The following HOXB1 variants were observed in gnomAD, a reference collection of about 807,000 sequenced individuals.
HOXB1 encodes the protein homeobox B1, also known as homeobox protein Hox-B1.
Under a neutral mutation model 26.9 loss-of-function variants are expected in HOXB1, and 13 were observed. The observed-to-expected ratio is 0.48, with a 90% CI of 0.31 to 0.77. HOXB1 has a LOEUF of 0.77. Among genes scored for constraint, HOXB1 ranks in the 30% least tolerant of loss-of-function variants. The pLI is 0.04. For synonymous variants in HOXB1, 168 were observed against 170.8 expected (o/e 0.98, Z 0.13); for missense variants, 366 against 403.6 (o/e 0.91, Z 0.80).
In HOXB1 at chr17:48,529,187, G is replaced by C. The variant is rs1050222338; in HGVS notation, c.*360C>G. On this transcript the variant is annotated 3_prime_UTR_variant, in exon 2 of 2. Coordinates refer to ENST00000239174, the MANE Select transcript of HOXB1 (RefSeq NM_002144.4). ...CCTCAAAGCTCGAAGGCACTGAACCGAATAAACCCAAGTTGGAAGGGAAAG... is the reference window on the plus strand; with the variant it reads ...CCTCAAAGCTCGAAGGCACTGAACCCAATAAACCCAAGTTGGAAGGGAAAG... 3 of 192,618 alleles carry C rather than the reference G, an allele frequency of 1.6e-5. No individual in the cohort carries two copies. Among genetic ancestry groups the C allele is most frequent in the Non-Finnish European group, 3.2e-5 (3 of 94,644 alleles). The allele number at this position is 192,618 out of a possible 1,614,324, so 11.9% of individuals were successfully genotyped here.
rs772889095 is a variant in HOXB1, at chr17:48,529,764, C to T, written c.689G>A (p.Arg230Gln). 10 of 1,609,508 alleles carry T rather than the reference C, an allele frequency of 6.2e-6. No homozygotes were observed. The highest frequency in any genetic ancestry group is 8.5e-6 in the Non-Finnish European group (10 of 1,179,916). The change falls in exon 2 of 2, where the codon CGG becomes CAG. Residue 230 changes from arginine to glutamine, a missense_variant. By Grantham distance (43) the Arg-to-Gln change is conservative (BLOSUM62 1). Coordinates refer to ENST00000239174, the MANE Select transcript of HOXB1 (RefSeq NM_002144.4). ...KEFHFNKYLS[R>Q]ARRVEIAATL... ...GGCGGCAATCTCCACCCTCCGGGCC[C>T]GGCTCAGGTACTTGTTGAAATGGAA...
In HOXB1 at chr17:48,530,067, C is replaced by T; in HGVS notation, c.578-192G>A. The T allele has an allele frequency of 1.6e-6, 1 of 618,072 alleles. No individual in the cohort carries two copies. Among genetic ancestry groups the T allele is most frequent in the Non-Finnish European group, 2.8e-6 (1 of 353,074 alleles). The allele number at this position is 618,072 out of a possible 1,614,324, so 38.3% of individuals were successfully genotyped here. On this transcript the variant is annotated intron_variant, in intron 1 of 1. Transcript: ENST00000239174. This position sits in a 1 kb window ranked among gnomAD's most constrained non-coding sequence, Gnocchi z 6.2. The stretch of plus-strand genomic sequence containing the variant: ...GGAGCAGCCTTCCCCATACTTCCAT[C>T]CCCCATGCACACCAGGTCCTGGGTC...
rs776471879 is a variant in HOXB1 at position 48,530,755 on chromosome 17, C to T, written c.150G>A (p.Gly50=). 1 of 1,610,880 alleles carries T rather than the reference C, an allele frequency of 6.2e-7. No individual in the cohort carries two copies. The highest frequency in any genetic ancestry group is 8.5e-7 in the Non-Finnish European group (1 of 1,178,402). The change falls in exon 1 of 2, where the codon GGG becomes GGA. Residue 50 remains glycine (G), a synonymous_variant. Coordinates refer to ENST00000239174, the MANE Select transcript of HOXB1 (RefSeq NM_002144.4). The surrounding 1 kb of genome is among the most constrained non-coding windows in gnomAD (Gnocchi z 6.2). The part of the protein sequence containing the change: ...DSYASEGRYG[G]GLSSPAFQQN... Reference sequence around the variant, plus strand: ...GCTGAAACGCAGGGCTGGACAGCCCCCCACCGTAGCGGCCCTCGCTTGCAT... The same window carrying T: ...GCTGAAACGCAGGGCTGGACAGCCCTCCACCGTAGCGGCCCTCGCTTGCAT...
At position 48,530,246 on chromosome 17, in the gene HOXB1, G is replaced by T; in HGVS notation, c.577+82C>A. The T allele has an allele frequency of 7.9e-7, 1 of 1,273,594 alleles. No homozygotes were observed. Among genetic ancestry groups the T allele is most frequent in the Non-Finnish European group, 1.1e-6 (1 of 896,264 alleles). 78.9% of individuals were successfully genotyped at this position (1,273,594 alleles called of 1,614,324 possible). ...AGAGCCGCTGAAAGAGAAGAACCCA[G>T]CCCAGACCCAGGACATGTCACTGCA... On this transcript the variant is annotated intron_variant, in intron 1 of 1. Coordinates refer to ENST00000239174, the MANE Select transcript of HOXB1 (RefSeq NM_002144.4). The surrounding 1 kb of genome is among the most constrained non-coding windows in gnomAD (Gnocchi z 6.2).
At chr17:48,529,979 C>G (rs1336291044) in intron 1 of HOXB1, 104 bp from the exon 2 acceptor site, 1 of 1,030,850 alleles carries the variant, frequency 9.7e-7, no homozygotes, top group African/African-American at 1.6e-5. Flanking sequence ...TGCCATTCTG[C>G]CCAAGTACAG....
At position 48,530,915 on chromosome 17, in the gene HOXB1, C is replaced by T. The variant is rs552739661; in HGVS notation, c.-11G>A. 1.3e-5 allele frequency: 20 copies of T among 1,507,166 alleles called. No individual in the cohort carries two copies. The East Asian group carries it at 4.3e-4, about 33-fold the overall frequency. The allele number at this position is 1,507,166 out of a possible 1,614,324, so 93.4% of individuals were successfully genotyped here. ...CCTATTATAGTCCATGCGTCAAGGCCGCAGGAGGGTCGGCCCGTTTGGGGG... is the reference window on the plus strand; with the variant it reads ...CCTATTATAGTCCATGCGTCAAGGCTGCAGGAGGGTCGGCCCGTTTGGGGG... On this transcript the variant is annotated 5_prime_UTR_variant, in exon 1 of 2. Coordinates refer to ENST00000239174, the MANE Select transcript of HOXB1 (RefSeq NM_002144.4). The surrounding 1 kb of genome is among the most constrained non-coding windows in gnomAD (Gnocchi z 6.2).
chr17:48,530,939 G>T lies in HOXB1; in HGVS notation c.-35C>A. ...CCGCAGGAGGGTCGGCCCGTTTGGG[G>T]GAGACACCCTCTTGCCCTACAACCT... On this transcript the variant is annotated 5_prime_UTR_variant, in exon 1 of 2. Transcript: ENST00000239174. The surrounding 1 kb of genome is among the most constrained non-coding windows in gnomAD (Gnocchi z 6.2). 1 of 1,420,418 alleles carries T rather than the reference G, an allele frequency of 7.0e-7. No individual in the cohort carries two copies. Among genetic ancestry groups the T allele is most frequent in the Non-Finnish European group, 9.5e-7 (1 of 1,052,766 alleles). The allele number at this position is 1,420,418 out of a possible 1,614,324, so 88.0% of individuals were successfully genotyped here. A position where few individuals can be genotyped will look rare whatever the true frequency, so the allele number is the denominator to read the frequency against.
In HOXB1 at chr17:48,530,369, G is replaced by A; in HGVS notation, c.536C>T (p.Thr179Ile). 3 of 1,614,098 alleles carry A rather than the reference G, an allele frequency of 1.9e-6. No individual in the cohort carries two copies. Among genetic ancestry groups the A allele is most frequent in the Non-Finnish European group, 2.5e-6 (3 of 1,180,000 alleles). ...TCTCTTAACCTTCATCCAGTCGAAG[G>A]TCCGGGCCGTGGGGGTGTTAGGTTC... is the stretch of plus-strand genomic sequence containing the variant. ...PSEPNTPTAR[T>I]FDWMKVKRNP... Residue 179 changes from threonine (T) to isoleucine (I), a missense_variant, in exon 1 of 2, where the codon ACC becomes ATC. By Grantham distance (89) the Thr-to-Ile change is moderately conservative (BLOSUM62 -1). Transcript: ENST00000239174. The surrounding 1 kb of genome is among the most constrained non-coding windows in gnomAD (Gnocchi z 6.2).
chr17:48,530,656 C>A lies in HOXB1; in HGVS notation c.249G>T (p.Gly83=). ...GVPFPSSAPS[G]YAPAACSPSY... is the part of the protein sequence containing the mutation. The stretch of plus-strand genomic sequence containing the variant: ...TGGGGCTGCAGGCGGCAGGAGCATA[C>A]CCCGAGGGCGCGGAGCTGGGGAAGG... The change falls in exon 1 of 2, where the codon GGG becomes GGT. Residue 83 remains glycine (G), a synonymous_variant. Transcript: ENST00000239174. The surrounding 1 kb of genome is among the most constrained non-coding windows in gnomAD (Gnocchi z 6.2). 6.2e-7 allele frequency: 1 copy of A among 1,613,766 alleles called. No homozygotes were observed. Among genetic ancestry groups the A allele is most frequent in the South Asian group, 1.1e-5 (1 of 91,086 alleles).
In HOXB1 at chr17:48,529,466, C is replaced by T. The variant is rs978148622; in HGVS notation, c.*81G>A. On this transcript the variant is annotated 3_prime_UTR_variant, in exon 2 of 2. Transcript: ENST00000239174. ...GATCCCCAGGCCAGTGAAGCCCAGG[C>T]CTGGGGTTGGGGAGAGCCTGGGATA... The T allele has an allele frequency of 1.8e-6, 2 of 1,139,076 alleles. No homozygotes were observed. Among genetic ancestry groups the T allele is most frequent in the African/African-American group, 1.6e-5 (1 of 64,126 alleles). 70.6% of individuals were successfully genotyped at this position (1,139,076 alleles called of 1,614,324 possible). A position where few individuals can be genotyped will look rare whatever the true frequency, so the allele number is the denominator to read the frequency against.
Position 48,529,627 on chromosome 17 carries a change from G to A in HOXB1, c.826C>T (p.Pro276Ser), listed in dbSNP as rs1219019432. The A allele has an allele frequency of 6.2e-7, 1 of 1,600,824 alleles. No individual in the cohort carries two copies. The highest frequency in any genetic ancestry group is 1.1e-5 in the South Asian group (1 of 89,818). Residue 276 changes from proline to serine, a missense_variant, in exon 2 of 2, where the codon CCC (proline) becomes TCC (serine). Transcript: ENST00000239174. ...GAGGCATCTCCAGCTGCCTCCTTGG[G>A]GCAGCCTGGTGGGGCTGGGGGGACC... ...GRVPPAPPGCPKEAAGDASDQ... is the reference protein window; with the variant it reads ...GRVPPAPPGCSKEAAGDASDQ...
rs2068419169 is a variant in HOXB1, at chr17:48,529,505, G to A, written c.*42C>T. The A allele has an allele frequency of 4.1e-6, 6 of 1,460,442 alleles. No individual in the cohort carries two copies. The highest frequency in any genetic ancestry group is 5.5e-6 in the Non-Finnish European group (6 of 1,086,112). The allele number at this position is 1,460,442 out of a possible 1,614,324, so 90.5% of individuals were successfully genotyped here. A position where few individuals can be genotyped will look rare whatever the true frequency, so the allele number is the denominator to read the frequency against. On this transcript the variant is annotated 3_prime_UTR_variant, in exon 2 of 2. Transcript: ENST00000239174. The stretch of plus-strand genomic sequence containing the variant: ...GAGCCTGGGATAGGGCTGGACTGGG[G>A]CGCTCCAGTGCCTGGAAGCCCCATT...
In HOXB1 at chr17:48,529,425, T is replaced by G; in HGVS notation, c.*122A>C. 6.8e-6 allele frequency: 4 copies of G among 592,362 alleles called. No individual in the cohort carries two copies. The highest frequency in any genetic ancestry group is 5.2e-6 in the Non-Finnish European group (2 of 383,088). 36.7% of individuals were successfully genotyped at this position (592,362 alleles called of 1,614,324 possible). On this transcript the variant is annotated 3_prime_UTR_variant, in exon 2 of 2. Transcript: ENST00000239174. ...ACCCCCAGGCAGCTCTAAACTGGCA[T>G]TTCAGCCCTAGAGAGGATCCCCAGG... is the stretch of plus-strand genomic sequence containing the variant.
Position 48,529,676 on chromosome 17 carries a change from C to T in HOXB1, c.777G>A (p.Lys259=). The change falls in exon 2 of 2, where the codon AAG becomes AAA. Residue 259 remains lysine, a synonymous_variant. Transcript: ENST00000239174. ...IWFQNRRMKQ[K]KREREEGRVP... Reference sequence around the variant, plus strand: ...CCCGACCTTCCTCTCGCTCGCGCTTCTTCTGCTTCATTCGTCGGTTCTGGA... The same window carrying T: ...CCCGACCTTCCTCTCGCTCGCGCTTTTTCTGCTTCATTCGTCGGTTCTGGA... 1.2e-6 allele frequency: 2 copies of T among 1,613,280 alleles called. No homozygotes were observed. Among genetic ancestry groups the T allele is most frequent in the Non-Finnish European group, 1.7e-6 (2 of 1,179,446 alleles).
chr17:48,530,993 C>T lies in HOXB1; in HGVS notation c.-89G>A, dbSNP rs2068436092. 2.1e-6 allele frequency: 2 copies of T among 950,976 alleles called. No individual in the cohort carries two copies. The highest frequency in any genetic ancestry group is 2.7e-5 in the Admixed American group (1 of 37,592). The allele number at this position is 950,976 out of a possible 1,614,324, so 58.9% of individuals were successfully genotyped here. A position where few individuals can be genotyped will look rare whatever the true frequency, so the allele number is the denominator to read the frequency against. On this transcript the variant is annotated 5_prime_UTR_variant, in exon 1 of 2. Coordinates refer to ENST00000239174, the MANE Select transcript of HOXB1 (RefSeq NM_002144.4). This position sits in a 1 kb window ranked among gnomAD's most constrained non-coding sequence, Gnocchi z 6.2. ...GGCAGTATGTCACAGCGCTGGGGCT[C>T]GAATCCATGGCCTGACCCGCTCGCC...
rs779923202 is a variant in HOXB1 at position 48,530,458 on chromosome 17, G to A, written c.447C>T (p.Thr149=). ...PQHPPYGNEQ[T]ASFAPAYADL... is the part of the protein sequence containing the mutation. ...CAGCATAGGCCGGTGCAAAGCTCGCGGTCTGCTCGTTCCCATAAGGGGGAT... is the reference window on the plus strand; with the variant it reads ...CAGCATAGGCCGGTGCAAAGCTCGCAGTCTGCTCGTTCCCATAAGGGGGAT... The change falls in exon 1 of 2, where the codon ACC becomes ACT. Residue 149 remains threonine (T), a synonymous_variant. Transcript: ENST00000239174. The surrounding 1 kb of genome is among the most constrained non-coding windows in gnomAD (Gnocchi z 6.2). 3.7e-6 allele frequency: 6 copies of A among 1,614,126 alleles called. No homozygotes were observed. The highest frequency in any genetic ancestry group is 2.2e-5 in the South Asian group (2 of 91,086).
rs1226418367 is a variant in HOXB1 at position 48,530,886 on chromosome 17, T to A, written c.19A>T (p.Asn7Tyr). 11 of 1,532,074 alleles carry A rather than the reference T, an allele frequency of 7.2e-6. No individual in the cohort carries two copies. Among genetic ancestry groups the A allele is most frequent in the Non-Finnish European group, 8.7e-6 (10 of 1,143,330 alleles). The allele number at this position is 1,532,074 out of a possible 1,614,324, so 94.9% of individuals were successfully genotyped here. The change falls in exon 1 of 2, where the codon AAC becomes TAC. Residue 7 changes from asparagine (N) to tyrosine (Y), a missense_variant. Transcript: ENST00000239174. This position sits in a 1 kb window ranked among gnomAD's most constrained non-coding sequence, Gnocchi z 6.2. ...CAGAGTGGGTACTCTAAGAAGGAGT[T>A]CATCCTATTATAGTCCATGCGTCAA... MDYNRM[N>Y]SFLEYPLCNR...
chr17:48,530,715 G>A lies in HOXB1; in HGVS notation c.190C>T (p.Pro64Ser). 1.2e-6 allele frequency: 2 copies of A among 1,612,392 alleles called. No homozygotes were observed. The highest frequency in any genetic ancestry group is 1.7e-6 in the Non-Finnish European group (2 of 1,179,238). Residue 64 changes from proline (P) to serine (S), a missense_variant, in exon 1 of 2, where the codon CCC (proline) becomes TCC (serine). Transcript: ENST00000239174. The surrounding 1 kb of genome is among the most constrained non-coding windows in gnomAD (Gnocchi z 6.2). The part of the protein sequence containing the change: ...SPAFQQNSGY[P>S]AQQPPSTLGV... ...AGGGTCGAAGGCGGCTGCTGGGCGG[G>A]ATAGCCGGAGTTCTGCTGAAACGCA...
chr17:48,529,826 G>A lies in HOXB1; in HGVS notation c.627C>T (p.Asn209=). Residue 209 remains asparagine (N), a synonymous_variant, in exon 2 of 2, where the codon AAC becomes AAT. Coordinates refer to ENST00000239174, the MANE Select transcript of HOXB1 (RefSeq NM_002144.4). ...GLGSPSGLRT[N]FTTRQLTELE... is the part of the protein sequence containing the mutation. ...GTTCTGTCAGCTGCCTTGTGGTGAA[G>A]TTGGTGCGGAGGCCACTGGGCGAGC... is the stretch of plus-strand genomic sequence containing the variant. 1 of 1,599,704 alleles carries A rather than the reference G, an allele frequency of 6.3e-7. No individual in the cohort carries two copies. The highest frequency in any genetic ancestry group is 1.7e-5 in the Admixed American group (1 of 59,984).
Sources: gnomAD v4.1 joint callset for allele counts on GRCh38, gnomAD v4.1.1 for gene constraint, Gnocchi (gnomAD v3.1) non-coding constraint, MANE v1.5 for transcripts, NCBI Gene and HGNC (gene_info 2026-07-23, HGNC 2026-07-21) for gene names.